Variants in AGMO observed in about 807,000 individuals in gnomAD.
AGMO encodes the protein alkylglycerol monooxygenase, also known as glyceryl-ether monooxygenase.
Under a neutral mutation model 60.2 loss-of-function variants are expected in AGMO, and 75 were observed. The ratio of observed to expected loss-of-function variants is 1.25; its 90% CI spans 1.03 to 1.51. The LOEUF is 1.51. Ranked by LOEUF, AGMO falls within the 40% of genes most tolerant of loss-of-function variation. AGMO has a pLI of 0.00. For synonymous variants in AGMO, 261 were observed against 177.1 expected (o/e 1.47, Z -3.76); for missense variants, 763 against 525.5 (o/e 1.45, Z -4.42).
intron 12 of AGMO, among the ~76,000 whole-genome samples, chr7:15,328,648 T>C (rs1377000627): frequency 6.6e-6 from 1 of 152,118 alleles, no homozygotes; most frequent in African/African-American, 2.4e-5. Flanking sequence ...AGAGGGAAAC[T>C]CACATTTTTA....
At chr7:15,428,120 G>A (rs754170330) in intron 4 of AGMO, among the ~76,000 whole-genome samples, 1 of 150,506 alleles carries the variant, frequency 6.6e-6, no homozygotes, top group Admixed American at 6.6e-5. Flanking sequence ...TAAATTATCG[G>A]CCTCATGTAA....
chr7:15,201,083 G>T lies in AGMO; in HGVS notation c.*202C>A. 1 of 396,722 alleles carries T rather than the reference G, an allele frequency of 2.5e-6. No homozygotes were observed. The highest frequency in any genetic ancestry group is 4.5e-6 in the Non-Finnish European group (1 of 223,914). The allele number at this position is 396,722 out of a possible 1,614,324, so 24.6% of individuals were successfully genotyped here. On this transcript the variant is annotated 3_prime_UTR_variant, in exon 13 of 13. Transcript: ENST00000342526. ...GAAATCTTTTTTTAATTGTAGTAAAGGGGGGAAGTAACCAAAACTGACTTT... is the reference window on the plus strand; with the variant it reads ...GAAATCTTTTTTTAATTGTAGTAAATGGGGGAAGTAACCAAAACTGACTTT...
chr7:15,386,815 G>A lies in AGMO; in HGVS notation c.957+591C>T, dbSNP rs796635778. On this transcript the variant is annotated intron_variant, in intron 9 of 12. Coordinates refer to ENST00000342526, the MANE Select transcript of AGMO (RefSeq NM_001004320.2). Reference sequence around the variant, plus strand: ...AAAAGCACCTTCTCTTTCTTCCCCAGAAGAGTAATTTTGGGTTAAAACTGA... The same window carrying A: ...AAAAGCACCTTCTCTTTCTTCCCCAAAAGAGTAATTTTGGGTTAAAACTGA... Among the ~76,000 whole-genome samples, 9 of 152,140 alleles carry A rather than the reference G, an allele frequency of 5.9e-5. 1 individual carries two copies. The South Asian group carries it at 1.7e-3, about 28-fold the overall frequency.
chr7:15,283,272 A>T (rs1784016836), intron 12 of AGMO, among the ~76,000 whole-genome samples: 1 of 152,118 alleles, frequency 6.6e-6, no homozygotes, highest in African/African-American at 2.4e-5. Context: ...TACTCCACTT[A>T]AAAGATACAG....
Position 15,353,233 on chromosome 7 carries a change from T to G in AGMO, c.1263+12281A>C, listed in dbSNP as rs187168720. On this transcript the variant is annotated intron_variant, in intron 12 of 12. Transcript: ENST00000342526. ...GACGTTGGTAGATTACATCCACGAA[T>G]AAGTCATGTAATAATAGGACAGCCA... 9.7e-4 allele frequency among the ~76,000 whole-genome samples: 147 copies of G among 152,270 alleles called. 1 individual carries two copies. The highest frequency in any genetic ancestry group is 3.4e-3 in the Middle Eastern group (1 of 294).
chr7:15,204,122 G>C (rs1159463225), intron 12 of AGMO, among the ~76,000 whole-genome samples: 1 of 151,976 alleles, frequency 6.6e-6, no homozygotes, highest in Non-Finnish European at 1.5e-5. Context: ...GAAGAAAACA[G>C]AGTTAATTTT....
At chr7:15,427,546 C>T (rs775425181) in intron 4 of AGMO, among the ~76,000 whole-genome samples, 17 of 152,100 alleles carry the variant, frequency 1.1e-4, no homozygotes, top group South Asian at 4.1e-4. Context: ...TTCTTTTTCA[C>T]GCACTTTAGT....
chr7:15,149,156 T>C, the AGMO span, among the ~76,000 whole-genome samples: 1 of 152,206 alleles, frequency 6.6e-6, no homozygotes, highest in African/African-American at 2.4e-5. Context: ...GCACACTTTT[T>C]TAAATGAAGT....
At chr7:15,332,866 G>C (rs1337299599) in intron 12 of AGMO, among the ~76,000 whole-genome samples, 1 of 151,800 alleles carries the variant, frequency 6.6e-6, no homozygotes, top group Non-Finnish European at 1.5e-5. Context: ...CTAATACTCT[G>C]ACAGATATTA....
chr7:15,278,593 GA>G (rs1363037924), intron 12 of AGMO, among the ~76,000 whole-genome samples: 2 of 152,154 alleles, frequency 1.3e-5, no homozygotes, highest in Non-Finnish European at 2.9e-5. Context: ...CGTTTCACTG[GA>G]AAAGGCAATG....
chr7:15,451,987 G>C (rs112648911), intron 3 of AGMO, among the ~76,000 whole-genome samples: 5,830 of 152,270 alleles, frequency 0.038, 359 homozygotes, highest in African/African-American at 0.13. Context: ...GCTATTGTTA[G>C]AGGTGCATAC....
intron 12 of AGMO, among the ~76,000 whole-genome samples, chr7:15,299,125 A>T (rs1465575887): frequency 6.6e-6 from 1 of 152,230 alleles, no homozygotes; most frequent in Non-Finnish European, 1.5e-5. Context: ...TTTTAAGGTT[A>T]GCTAGAACTA....
At chr7:15,153,850 AT>A in the AGMO span, among the ~76,000 whole-genome samples, 3 of 151,536 alleles carry the variant, frequency 2.0e-5, no homozygotes, top group East Asian at 1.9e-4. Flanking sequence ...TGAATGCTAC[AT>A]TTTTTTTCTA....
At chr7:15,233,521 G>A (rs1219108085) in intron 12 of AGMO, among the ~76,000 whole-genome samples, 2 of 152,040 alleles carry the variant, frequency 1.3e-5, no homozygotes, top group South Asian at 2.1e-4. Flanking sequence ...GTGGACTAGG[G>A]AGCTATTGCT....
intron 4 of AGMO, among the ~76,000 whole-genome samples, chr7:15,426,968 A>G (rs1297547046): frequency 6.6e-6 from 1 of 152,094 alleles, no homozygotes; most frequent in Non-Finnish European, 1.5e-5. Context: ...GCATGTGATA[A>G]GGAGTCTATT....
chr7:15,500,783 TTCTTA>T (rs1282684237), intron 3 of AGMO, among the ~76,000 whole-genome samples: 1 of 151,830 alleles, frequency 6.6e-6, no homozygotes, highest in Non-Finnish European at 1.5e-5. Flanking sequence ...TGATGTTAGG[TTCTTA>T]ATTTGAGATC....
chr7:15,134,238 C>T, the AGMO span, among the ~76,000 whole-genome samples: 1 of 152,182 alleles, frequency 6.6e-6, no homozygotes, highest in Non-Finnish European at 1.5e-5. Flanking sequence ...TTTTGGCTCA[C>T]TGCAACCTCC....
At chr7:15,288,665 G>A (rs1248845587) in intron 12 of AGMO, among the ~76,000 whole-genome samples, 1 of 151,466 alleles carries the variant, frequency 6.6e-6, no homozygotes, top group Non-Finnish European at 1.5e-5. Context: ...AGATTCTGAT[G>A]CAAATTTTTT....
intron 3 of AGMO, among the ~76,000 whole-genome samples, chr7:15,476,713 C>T (rs144933125): frequency 8.5e-5 from 13 of 152,112 alleles, no homozygotes; most frequent in African/African-American, 2.4e-4. Flanking sequence ...TAGATTATGT[C>T]GGCTGGACTT....
Sources: gnomAD v4.1 joint callset for allele counts (sites outside exome capture counted in the v4.1 genomes callset) on GRCh38, gnomAD v4.1.1 for gene constraint, MANE v1.5 for transcripts, NCBI Gene and HGNC (gene_info 2026-07-23, HGNC 2026-07-21) for gene names.